The following GPR158 variants were observed in gnomAD, a reference collection of about 807,000 sequenced individuals.
The protein encoded by GPR158 is metabotropic glycine receptor.
Under a neutral mutation model 78.2 loss-of-function variants are expected in GPR158, and 30 were observed. The observed-to-expected ratio is 0.38, with a 90% CI of 0.29 to 0.52. The LOEUF is 0.52. Among genes scored for constraint, GPR158 ranks in the 20% least tolerant of loss-of-function variants. The pLI is 0.83. For missense variants in GPR158, 1,463 were observed against 1,523.5 expected, an observed-to-expected ratio of 0.96 and a Z score of 0.66; for synonymous variants, 581 against 591.1, an observed-to-expected ratio of 0.98 and a Z score of 0.25.
chr10:25,395,955 G>T lies in GPR158; in HGVS notation c.1053G>T (p.Glu351Asp), dbSNP rs753940988. 6.2e-7 allele frequency: 1 copy of T among 1,609,946 alleles called. No homozygotes were observed. Among genetic ancestry groups the T allele is most frequent in the African/African-American group, 1.3e-5 (1 of 74,848 alleles). Residue 351 changes from glutamate to aspartate, a missense_variant, in exon 3 of 11, where the codon GAG (glutamate) becomes GAT (aspartate). Coordinates refer to ENST00000376351, the MANE Select transcript of GPR158 (RefSeq NM_020752.3). ...TAGGATTCGTTCTTGGAGCCTATGA[G>T]TGCATTTGCAAAGCAGGATTCTATC... Reference protein sequence around the residue: ...KGLGFVLGAYECICKAGFYHP... With the variant: ...KGLGFVLGAYDCICKAGFYHP...
intron 5 of GPR158, among the ~76,000 whole-genome samples, chr10:25,491,904 T>C (rs1835815130): frequency 6.6e-6 from 1 of 152,200 alleles, no homozygotes; most frequent in Admixed American, 6.6e-5. Context: ...ATTATAGTTA[T>C]TGCTATGAAG....
At chr10:25,323,357 C>G (rs1156619965) in intron 2 of GPR158, among the ~76,000 whole-genome samples, 15 of 152,104 alleles carry the variant, frequency 9.9e-5, no homozygotes, top group Non-Finnish European at 2.1e-4. Flanking sequence ...TGCATTAGAT[C>G]CTAGCAAGAG....
At chr10:25,272,509 G>C (rs191266556) in intron 2 of GPR158, among the ~76,000 whole-genome samples, 1 of 152,068 alleles carries the variant, frequency 6.6e-6, no homozygotes, top group African/African-American at 2.4e-5. Flanking sequence ...CCCACCTCTT[G>C]TTTACGTGCC....
intron 4 of GPR158, among the ~76,000 whole-genome samples, chr10:25,417,591 A>C (rs1241853957): frequency 6.6e-6 from 1 of 152,216 alleles, no homozygotes; most frequent in South Asian, 2.1e-4. Context: ...AGTTTTCAAA[A>C]GGTATTCACT....
chr10:25,446,234 T>C (rs116016284), intron 4 of GPR158, among the ~76,000 whole-genome samples: 1,929 of 152,308 alleles, frequency 0.013, 43 homozygotes, highest in African/African-American at 0.045. Context: ...TTATTTATTC[T>C]ATTGGTATCA....
chr10:25,601,959 A>G lies in GPR158; in HGVS notation c.*2685A>G, dbSNP rs1039848858. 2.0e-5 allele frequency: 3 copies of G among 152,626 alleles called. No homozygotes were observed. The allele number at this position is 152,626 out of a possible 1,614,324, so 9.5% of individuals were successfully genotyped here. A position where few individuals can be genotyped will look rare whatever the true frequency, so the allele number is the denominator to read the frequency against. On this transcript the variant is annotated 3_prime_UTR_variant, in exon 11 of 11. Coordinates refer to ENST00000376351, the MANE Select transcript of GPR158 (RefSeq NM_020752.3). ...TGGCAATATGGATTTGAAACTCGAC[A>G]GTTCTCTTGTATTTGCTTCCTAGGT...
chr10:25,474,794 C>T (rs912929298), intron 5 of GPR158, among the ~76,000 whole-genome samples: 1 of 152,068 alleles, frequency 6.6e-6, no homozygotes, highest in African/African-American at 2.4e-5. Context: ...GAAATGTACC[C>T]TAAACTAGTG....
chr10:25,385,376 T>C (rs1280513126), intron 2 of GPR158, among the ~76,000 whole-genome samples: 1 of 151,256 alleles, frequency 6.6e-6, no homozygotes, highest in African/African-American at 2.4e-5. Context: ...TGTTGATGGG[T>C]ATTTGGGTTA....
At chr10:25,289,695 C>T (rs1854407132) in intron 2 of GPR158, among the ~76,000 whole-genome samples, 1 of 152,150 alleles carries the variant, frequency 6.6e-6, no homozygotes, top group Non-Finnish European at 1.5e-5. Context: ...GCTGAAATTA[C>T]AGGTGTGAGC....
intron 2 of GPR158, among the ~76,000 whole-genome samples, chr10:25,331,530 A>G (rs1045094239): frequency 6.6e-6 from 1 of 152,208 alleles, no homozygotes; most frequent in East Asian, 1.9e-4. Flanking sequence ...CTATCCATGA[A>G]CCCGTAGCAG....
intron 8 of GPR158, among the ~76,000 whole-genome samples, chr10:25,593,117 G>A: frequency 6.6e-6 from 1 of 151,038 alleles, no homozygotes; most frequent in African/African-American, 2.5e-5. Context: ...TTTTATGTAT[G>A]TTACAAGCCT....
chr10:25,205,201 C>T (rs1040930793), intron 1 of GPR158, among the ~76,000 whole-genome samples: 1 of 151,232 alleles, frequency 6.6e-6, no homozygotes, highest in African/African-American at 2.4e-5. Context: ...TCAGGTATGT[C>T]TTTATCAGCA....
intron 4 of GPR158, among the ~76,000 whole-genome samples, chr10:25,429,040 G>A (rs897850957): frequency 1.3e-5 from 2 of 151,954 alleles, no homozygotes; most frequent in Admixed American, 6.6e-5. Flanking sequence ...TCTGTTTAGG[G>A]ATAGCCCACC....
intron 7 of GPR158, among the ~76,000 whole-genome samples, chr10:25,587,746 A>T (rs1837290255): frequency 6.6e-6 from 1 of 152,148 alleles, no homozygotes; most frequent in African/African-American, 2.4e-5. Flanking sequence ...CGGCTACATC[A>T]GGGTTTTAGA....
At chr10:25,551,109 A>T in intron 6 of GPR158, 24 bp downstream of exon 6, 1 of 1,259,526 alleles carries the variant, frequency 7.9e-7, no homozygotes, top group Non-Finnish European at 1.2e-6. Context: ...ATTCATCGTC[A>T]TTCTCATGGA....
intron 2 of GPR158, among the ~76,000 whole-genome samples, chr10:25,358,908 T>C (rs1410291758): frequency 1.3e-5 from 2 of 152,120 alleles, no homozygotes; most frequent in Non-Finnish European, 2.9e-5. Context: ...GAATGTTCCA[T>C]GTGTACTTAA....
In GPR158 at chr10:25,572,634, C is replaced by T; in HGVS notation, c.1515-15C>T. 6.6e-7 allele frequency: 1 copy of T among 1,519,478 alleles called. No individual in the cohort carries two copies. The allele number at this position is 1,519,478 out of a possible 1,614,324, so 94.1% of individuals were successfully genotyped here. On this transcript the variant is annotated splice_polypyrimidine_tract_variant and intron_variant, in intron 6 of 10. Transcript: ENST00000376351. ...TGTTAGGTTTGCTTTCACATTTGAACTTTTGCTTTTCTAGGGTTTTGAAGG... is the reference window on the plus strand; with the variant it reads ...TGTTAGGTTTGCTTTCACATTTGAATTTTTGCTTTTCTAGGGTTTTGAAGG...
At chr10:25,185,540 T>G (rs1852670516) in intron 1 of GPR158, among the ~76,000 whole-genome samples, 1 of 152,188 alleles carries the variant, frequency 6.6e-6, no homozygotes, top group Non-Finnish European at 1.5e-5. Flanking sequence ...GGGAAAGCAC[T>G]AGGCCGGATG....
intron 1 of GPR158, among the ~76,000 whole-genome samples, chr10:25,201,746 T>C (rs555681559): frequency 1.3e-4 from 20 of 152,190 alleles, no homozygotes; most frequent in African/African-American, 4.6e-4. Flanking sequence ...TCCTGTTTTT[T>C]TTTAATTCTG....
Sources: allele counts gnomAD v4.1 joint callset (sites outside exome capture counted in the v4.1 genomes callset), GRCh38; gene constraint gnomAD v4.1.1; transcripts MANE v1.5; gene names NCBI Gene and HGNC (gene_info 2026-07-23, HGNC 2026-07-21).